SETBP1: variants seen among roughly 807,000 people sequenced by gnomAD.
The protein encoded by SETBP1 is SET-binding protein.
SETBP1 carries 9 observed loss-of-function variants against 101.0 expected under a neutral mutation model. The observed-to-expected ratio is 0.09, with a 90% CI of 0.05 to 0.16. The LOEUF (loss-of-function observed/expected upper bound fraction) is 0.16, where lower values mean the gene tolerates loss of function less well. Ranked by LOEUF, SETBP1 falls within the 10% of genes least tolerant of loss-of-function variation. The pLI, the probability that SETBP1 is intolerant of heterozygous loss-of-function variation, is 1.00. For synonymous variants in SETBP1, 818 were observed against 788.5 expected, an observed-to-expected ratio of 1.04 and a Z score of -0.63; for missense variants, 1,858 against 2,033.8, an observed-to-expected ratio of 0.91 and a Z score of 1.66.
rs1012765999 is a variant in SETBP1 at position 44,965,314 on chromosome 18, G to C, written c.4000+11974G>C. Among the ~76,000 whole-genome samples the C allele has an allele frequency of 2.0e-4, 13 of 63,952 alleles. No individual in the cohort carries two copies. In the South Asian group the frequency reaches 3.0e-3, roughly 15 times the overall value. The allele number at this position is 63,952 out of a possible 152,430, so 42.0% of individuals were successfully genotyped here. ...ACACACACACACACACACACACACA[G>C]ATCACTCAGAACAAATCAAGTTATG... On this transcript the variant is annotated intron_variant, in intron 4 of 5. Transcript: ENST00000649279.
chr18:44,921,222 G>A (rs1243515395), intron 3 of SETBP1, among the ~76,000 whole-genome samples: 1 of 152,240 alleles, frequency 6.6e-6, no homozygotes, highest in East Asian at 1.9e-4. Context: ...TAACTACAGT[G>A]TAATAAATGA....
intron 2 of SETBP1, among the ~76,000 whole-genome samples, chr18:44,865,524 A>G (rs2069110382): frequency 6.6e-6 from 1 of 152,108 alleles, no homozygotes. Flanking sequence ...GTGGTCTGTG[A>G]TCTTTTCCTT....
In SETBP1 at chr18:45,066,412, A is replaced by G. The variant is rs553662215; in HGVS notation, c.*2714A>G. The G allele has an allele frequency of 1.3e-5, 2 of 152,264 alleles. No homozygotes were observed. Among genetic ancestry groups the G allele is most frequent in the South Asian group, 4.1e-4 (2 of 4,820 alleles). 9.4% of individuals were successfully genotyped at this position (152,264 alleles called of 1,614,324 possible). A position where few individuals can be genotyped will look rare whatever the true frequency, so the allele number is the denominator to read the frequency against. ...GTCACCTACTCAGCTTCCTCTCTCCACCACCCAGTTCCTCCCTCAGTATCA... is the reference window on the plus strand; with the variant it reads ...GTCACCTACTCAGCTTCCTCTCTCCGCCACCCAGTTCCTCCCTCAGTATCA... On this transcript the variant is annotated 3_prime_UTR_variant, in exon 6 of 6. Coordinates refer to ENST00000649279, the MANE Select transcript of SETBP1 (RefSeq NM_015559.3).
chr18:44,737,032 G>T (rs1467899998), intron 2 of SETBP1, among the ~76,000 whole-genome samples: 1 of 152,140 alleles, frequency 6.6e-6, no homozygotes, highest in Non-Finnish European at 1.5e-5. Flanking sequence ...TAGACACTTG[G>T]TACATCTTTG....
intron 2 of SETBP1, among the ~76,000 whole-genome samples, chr18:44,759,593 G>A (rs1413422282): frequency 2.6e-5 from 4 of 152,168 alleles, no homozygotes; most frequent in African/African-American, 7.2e-5. Context: ...CCCAAACAGT[G>A]TGTGTGGGGT....
intron 4 of SETBP1, among the ~76,000 whole-genome samples, chr18:45,024,924 A>G (rs1032032128): frequency 3.3e-5 from 5 of 152,228 alleles, no homozygotes; most frequent in African/African-American, 1.2e-4. Context: ...AAACTCAACT[A>G]TTTCCAAATC....
At chr18:45,045,082 G>C (rs1469202670) in intron 5 of SETBP1, among the ~76,000 whole-genome samples, 1 of 151,568 alleles carries the variant, frequency 6.6e-6, no homozygotes, top group Non-Finnish European at 1.5e-5. Context: ...AGGAGTCCGA[G>C]ACCAGCCTGG....
At chr18:44,709,035 C>T (rs890788061) in intron 2 of SETBP1, among the ~76,000 whole-genome samples, 16 of 152,292 alleles carry the variant, frequency 1.1e-4, no homozygotes, top group African/African-American at 3.4e-4. Context: ...TTACCAAACT[C>T]GTGTTCCGTA....
intron 4 of SETBP1, among the ~76,000 whole-genome samples, chr18:45,033,051 T>G (rs1384717715): frequency 6.6e-6 from 1 of 152,228 alleles, no homozygotes; most frequent in Non-Finnish European, 1.5e-5. Context: ...TACGGGTATC[T>G]ATTACTTGAT....
rs149149900 is a variant in SETBP1, at chr18:44,817,029, C to A, written c.487-52201C>A. Among the ~76,000 whole-genome samples the A allele has an allele frequency of 4.0e-3, 603 of 152,318 alleles. 12 individuals are homozygous for A. The highest frequency in any genetic ancestry group is 0.034 in the Admixed American group (522 of 15,304). The stretch of plus-strand genomic sequence containing the variant: ...TTAAATCCAGACAGCACTGAGGGAT[C>A]TCCAAGCTGGTACGGTGCATACCCT... On this transcript the variant is annotated intron_variant, in intron 2 of 5. Coordinates refer to ENST00000649279, the MANE Select transcript of SETBP1 (RefSeq NM_015559.3).
At chr18:44,721,661 G>T (rs2069599876) in intron 2 of SETBP1, among the ~76,000 whole-genome samples, 1 of 152,102 alleles carries the variant, frequency 6.6e-6, no homozygotes, top group Non-Finnish European at 1.5e-5. Context: ...TGCTTCCACA[G>T]TATCTCCTTT....
At chr18:44,723,421 T>C (rs1214718802) in intron 2 of SETBP1, among the ~76,000 whole-genome samples, 1 of 152,226 alleles carries the variant, frequency 6.6e-6, no homozygotes, top group Non-Finnish European at 1.5e-5. Flanking sequence ...CTGTCTTCCC[T>C]TCACAGATGA....
intron 2 of SETBP1, among the ~76,000 whole-genome samples, chr18:44,730,525 T>G (rs952205156): frequency 6.6e-6 from 1 of 152,234 alleles, no homozygotes; most frequent in African/African-American, 2.4e-5. Flanking sequence ...TTCCAGCCTC[T>G]TTTTTCAGGA....
chr18:44,892,663 T>G (rs2069799090), intron 3 of SETBP1, among the ~76,000 whole-genome samples: 2 of 152,164 alleles, frequency 1.3e-5, no homozygotes, highest in African/African-American at 4.8e-5. Context: ...GAAATTATTC[T>G]GTGTATAGAG....
chr18:45,017,489 G>A (rs2072972245), intron 4 of SETBP1, among the ~76,000 whole-genome samples: 1 of 152,306 alleles, frequency 6.6e-6, no homozygotes, highest in South Asian at 2.1e-4. Context: ...TTATGGATTG[G>A]CATCTGAGAA....
chr18:44,822,221 A>G (rs1449379670), intron 2 of SETBP1, among the ~76,000 whole-genome samples: 2 of 152,166 alleles, frequency 1.3e-5, no homozygotes, highest in Non-Finnish European at 2.9e-5. Context: ...TAGTTTGACC[A>G]AGCACTCCCA....
chr18:44,815,830 A>G (rs1382215538), intron 2 of SETBP1, among the ~76,000 whole-genome samples: 4 of 152,344 alleles, frequency 2.6e-5, no homozygotes, highest in African/African-American at 9.6e-5. Flanking sequence ...ATGGATGCCC[A>G]GGAATTGGGG....
At chr18:44,937,535 G>A (rs1314008473) in intron 3 of SETBP1, among the ~76,000 whole-genome samples, 2 of 151,628 alleles carry the variant, frequency 1.3e-5, no homozygotes, top group Admixed American at 6.6e-5. Context: ...GTCAGGTGAC[G>A]TGTCTAGTGA....
intron 4 of SETBP1, among the ~76,000 whole-genome samples, chr18:44,975,631 TTAAA>T (rs1403657110): frequency 6.6e-6 from 1 of 152,160 alleles, no homozygotes; most frequent in East Asian, 1.9e-4. Context: ...TATCAGAATA[TTAAA>T]TACTCGAATA....
Sources: allele counts gnomAD v4.1 joint callset (sites outside exome capture counted in the v4.1 genomes callset), GRCh38; gene constraint gnomAD v4.1.1; transcripts MANE v1.5; gene names NCBI Gene and HGNC (gene_info 2026-07-23, HGNC 2026-07-21).